Variants in SEC16A observed in about 807,000 individuals in gnomAD.
The protein encoded by SEC16A is protein transport protein Sec16A.
In SEC16A, 110 loss-of-function variants were observed where a neutral mutation model predicts 221.9. The observed-to-expected ratio is 0.50, with a 90% CI of 0.42 to 0.58. The LOEUF is 0.58. Among genes scored for constraint, SEC16A ranks in the 20% least tolerant of loss-of-function variants. The pLI, the probability that SEC16A is intolerant of heterozygous loss-of-function variation, is 0.00. For missense variants in SEC16A, 3,165 were observed against 3,097.8 expected (o/e 1.02, Z -0.52); for synonymous variants, 1,393 against 1,257.7 (o/e 1.11, Z -2.28).
intron 28 of SEC16A, among the ~76,000 whole-genome samples, chr9:136,446,602 TA>T (rs1837024898): frequency 6.6e-6 from 1 of 152,202 alleles, no homozygotes; most frequent in African/African-American, 2.4e-5. Flanking sequence ...TTTTAAGTTT[TA>T]AGCACATTCA....
chr9:136,455,976 T>C (rs916769698), intron 19 of SEC16A, 77 bp downstream of exon 19: 40 of 1,294,726 alleles, frequency 3.1e-5, no homozygotes, highest in Non-Finnish European at 4.3e-5. Context: ...TACAGATACA[T>C]ACTTTCAGTG....
chr9:136,473,414 A>G (rs1841164157), intron 3 of SEC16A, among the ~76,000 whole-genome samples: 1 of 152,230 alleles, frequency 6.6e-6, no homozygotes, highest in African/African-American at 2.4e-5. Flanking sequence ...GATTATGCGG[A>G]ACCTAACTCA....
At chr9:136,458,502 C>T (rs1366190859) in intron 17 of SEC16A, among the ~76,000 whole-genome samples, 1 of 151,940 alleles carries the variant, frequency 6.6e-6, no homozygotes, top group African/African-American at 2.4e-5. Flanking sequence ...GTCGTGGGTG[C>T]CTGTAGTCCC....
At chr9:136,469,514 A>T (rs983359480) in intron 4 of SEC16A, among the ~76,000 whole-genome samples, 1 of 152,144 alleles carries the variant, frequency 6.6e-6, no homozygotes, top group South Asian at 2.1e-4. Flanking sequence ...CAGTAAAAAA[A>T]TTAGCCAGGC....
intron 23 of SEC16A, among the ~76,000 whole-genome samples, chr9:136,450,268 G>C (rs746934200): frequency 1.3e-5 from 2 of 152,132 alleles, no homozygotes; most frequent in Non-Finnish European, 2.9e-5. Context: ...TACAGATTGG[G>C]AGAAGATATC....
intron 22 of SEC16A, among the ~76,000 whole-genome samples, chr9:136,452,892 G>A (rs1838051258): frequency 1.3e-5 from 2 of 149,786 alleles, no homozygotes; most frequent in South Asian, 4.2e-4. Flanking sequence ...CCAACATGGT[G>A]AAACCCCATC....
chr9:136,455,163 CGA>C (rs899745951), intron 20 of SEC16A, among the ~76,000 whole-genome samples: 29 of 152,270 alleles, frequency 1.9e-4, no homozygotes, highest in African/African-American at 6.7e-4. Context: ...CCGAGAAGCG[CGA>C]GAGAGGAGGG....
rs148676627 is a variant in SEC16A, at chr9:136,456,687, T to C, written c.5551-521A>G. ...TATCCCATGAGCACGTTCTCACAAA[T>C]GGAACTACTGACAAGAGGTGAAGAT... On this transcript the variant is annotated intron_variant, in intron 18 of 31. Transcript: ENST00000684901. 2.0e-3 allele frequency among the ~76,000 whole-genome samples: 305 copies of C among 152,280 alleles called. 2 individuals carry two copies. Among genetic ancestry groups the C allele is most frequent in the Middle Eastern group, 6.8e-3 (2 of 294 alleles).
In SEC16A at chr9:136,459,287, T is replaced by C. The variant is rs368046506; in HGVS notation, c.5304-48A>G. ...TGATTTGGAAAAAATGGCCAATTAT[T>C]GGCATAGTCAACCTTGGAGCAAATC... is the stretch of plus-strand genomic sequence containing the variant. On this transcript the variant is annotated intron_variant, in intron 16 of 31. Coordinates refer to ENST00000684901, the MANE Select transcript of SEC16A (RefSeq NM_014866.2). The surrounding 1 kb of genome is among the most constrained non-coding windows in gnomAD (Gnocchi z 6.1). 1.3e-6 allele frequency: 2 copies of C among 1,559,302 alleles called. No homozygotes were observed. Among genetic ancestry groups the C allele is most frequent in the Non-Finnish European group, 1.8e-6 (2 of 1,132,822 alleles).
At chr9:136,470,463 T>C (rs1435287387) in intron 4 of SEC16A, among the ~76,000 whole-genome samples, 1 of 152,248 alleles carries the variant, frequency 6.6e-6, no homozygotes, top group Admixed American at 6.5e-5. Flanking sequence ...AGGAAACACC[T>C]GTCTGCTCAC....
At chr9:136,480,607 G>A (rs1475386794) in intron 1 of SEC16A, among the ~76,000 whole-genome samples, 1 of 152,106 alleles carries the variant, frequency 6.6e-6, no homozygotes, top group Admixed American at 6.5e-5. Context: ...GTTTAACAGG[G>A]GTGGCCGGGC....
At chr9:136,450,008 A>G (rs1286017066) in intron 23 of SEC16A, among the ~76,000 whole-genome samples, 2 of 152,190 alleles carry the variant, frequency 1.3e-5, no homozygotes, top group Admixed American at 1.3e-4. Context: ...GTTTGAGACC[A>G]GCCTGGCCAA....
intron 30 of SEC16A, 22 bp from the exon 31 acceptor site, chr9:136,443,922 C>G: frequency 6.3e-7 from 1 of 1,591,642 alleles, no homozygotes; most frequent in Non-Finnish European, 8.6e-7. Flanking sequence ...AGAGAAGTCA[C>G]CTCAGCAGGG....
At chr9:136,469,891 C>T (rs1221676384) in intron 4 of SEC16A, among the ~76,000 whole-genome samples, 1 of 152,172 alleles carries the variant, frequency 6.6e-6, no homozygotes, top group Non-Finnish European at 1.5e-5. Context: ...GCCACAGTAA[C>T]GAGCCCTGCT....
intron 22 of SEC16A, 91 bp downstream of exon 22, chr9:136,453,337 T>C: frequency 1.1e-6 from 1 of 903,442 alleles, no homozygotes; most frequent in Non-Finnish European, 1.8e-6. Flanking sequence ...TAGTCCTCAC[T>C]ACCATCATCT....
chr9:136,462,572 C>T (rs1839634638), intron 12 of SEC16A, among the ~76,000 whole-genome samples: 1 of 152,234 alleles, frequency 6.6e-6, no homozygotes, highest in African/African-American at 2.4e-5. Context: ...GTGTCATGCA[C>T]ATTTCATCCG....
chr9:136,450,319 A>G (rs899903896), intron 23 of SEC16A, among the ~76,000 whole-genome samples: 10 of 152,340 alleles, frequency 6.6e-5, no homozygotes, highest in Admixed American at 5.9e-4. Context: ...TCCATAATAC[A>G]GAAAGGACTC....
Position 136,454,130 on chromosome 9 carries a change from C to G in SEC16A, c.6055G>C (p.Glu2019Gln). 1.3e-6 allele frequency: 2 copies of G among 1,552,208 alleles called. No individual in the cohort carries two copies. The highest frequency in any genetic ancestry group is 1.7e-6 in the Non-Finnish European group (2 of 1,147,802). The change falls in exon 21 of 32, where the codon GAA (glutamate) becomes CAA (glutamine). Residue 2019 changes from glutamate (E) to glutamine (Q), a missense_variant. Glu to Gln is a conservative substitution (Grantham distance 29). Around this residue, in one of 3 missense-constraint regions of SEC16A, gnomAD observed 1,088 missense variants for 1,089.6 expected, o/e 1.00. Coordinates refer to ENST00000684901, the MANE Select transcript of SEC16A (RefSeq NM_014866.2). ...CCACCTGGGTCTGGGCTCCTGGCTT[C>G]CTGGAGCAAGTGTCTCCTTTCCTGC... Reference protein sequence around the residue: ...PLQERRHLLQEARSPDPGIVP... With the variant: ...PLQERRHLLQQARSPDPGIVP...
chr9:136,456,335 C>T (rs1035506041), intron 18 of SEC16A, among the ~76,000 whole-genome samples, 169 bp from the exon 19 acceptor site: 2 of 152,222 alleles, frequency 1.3e-5, no homozygotes, highest in African/African-American at 4.8e-5. Flanking sequence ...ACATGGGACG[C>T]TGGGTGACTG....
Sources: allele counts gnomAD v4.1 joint callset (sites outside exome capture counted in the v4.1 genomes callset), GRCh38; gene constraint gnomAD v4.1.1; regional missense constraint gnomAD v4.1.1; non-coding constraint Gnocchi (gnomAD v3.1); transcripts MANE v1.5; gene names NCBI Gene and HGNC (gene_info 2026-07-23, HGNC 2026-07-21).